Variants in MDGA2 observed in about 807,000 individuals in gnomAD.
The protein encoded by MDGA2 is MAM domain-containing glycosylphosphatidylinositol anchor protein 2.
In MDGA2, 40 loss-of-function variants were observed where a neutral mutation model predicts 117.8. The ratio of observed to expected loss-of-function variants is 0.34; its 90% CI spans 0.26 to 0.44. The LOEUF (loss-of-function observed/expected upper bound fraction) is 0.44, where lower values mean the gene tolerates loss of function less well. MDGA2 is among the 20% of genes least tolerant of loss of function. The probability of loss-of-function intolerance (pLI) is 1.00; values close to 1 mark genes in which losing one functional copy is unlikely to be tolerated. For missense variants in MDGA2, 1,123 were observed against 1,250.6 expected, an observed-to-expected ratio of 0.90 and a Z score of 1.54; for synonymous variants, 452 against 439.0, an observed-to-expected ratio of 1.03 and a Z score of -0.37.
At chr14:47,030,035 C>T (rs1482298546) in intron 8 of MDGA2, among the ~76,000 whole-genome samples, 7 of 151,762 alleles carry the variant, frequency 4.6e-5, no homozygotes, top group Non-Finnish European at 1.0e-4. Flanking sequence ...ACCATGTTGG[C>T]CAGAATGGTC....
chr14:47,186,435 A>C lies in MDGA2; in HGVS notation c.595+31586T>G, dbSNP rs546069296. On this transcript the variant is annotated intron_variant, in intron 3 of 16. Coordinates refer to ENST00000399232, the MANE Select transcript of MDGA2 (RefSeq NM_001113498.3). ...ATTTCTTATAAACCTATAGTACTAA[A>C]TTATTTTCAAATAATCACAAATGCA... Among the ~76,000 whole-genome samples the C allele has an allele frequency of 5.3e-5, 8 of 151,976 alleles. No individual in the cohort carries two copies. The East Asian group carries it at 1.5e-3, about 29-fold the overall frequency.
intron 2 of MDGA2, chr14:47,299,206 A>G (rs1199065550): frequency 6.6e-5 from 10 of 152,212 alleles, no homozygotes; most frequent in Admixed American, 3.3e-4. Flanking sequence ...CTAGAGGTCA[A>G]AGTTTGTACT....
At chr14:47,382,939 G>T (rs1182880403) in intron 1 of MDGA2, among the ~76,000 whole-genome samples, 1 of 152,098 alleles carries the variant, frequency 6.6e-6, no homozygotes, top group Non-Finnish European at 1.5e-5. Flanking sequence ...CAACAACAAA[G>T]ACTTGCAACC....
intron 2 of MDGA2, among the ~76,000 whole-genome samples, chr14:47,226,872 G>C (rs985772967): frequency 3.9e-5 from 6 of 152,090 alleles, no homozygotes; most frequent in Non-Finnish European, 7.4e-5. Flanking sequence ...GTCCTTCCAT[G>C]ACCGTGAGAC....
chr14:46,977,513 A>G (rs1021494950), intron 8 of MDGA2, among the ~76,000 whole-genome samples: 1 of 151,940 alleles, frequency 6.6e-6, no homozygotes, highest in Admixed American at 6.6e-5. Context: ...CCAAATATGA[A>G]ATGGTCATTT....
chr14:46,907,513 A>G (rs899302572), intron 10 of MDGA2, among the ~76,000 whole-genome samples: 1 of 152,172 alleles, frequency 6.6e-6, no homozygotes, highest in Non-Finnish European at 1.5e-5. Context: ...TTTGTCCAAG[A>G]GACTTTTGAT....
chr14:47,246,505 G>A (rs1887242403), intron 2 of MDGA2, among the ~76,000 whole-genome samples: 1 of 151,678 alleles, frequency 6.6e-6, no homozygotes, highest in African/African-American at 2.4e-5. Flanking sequence ...CATACCTACA[G>A]TGAATTGTTA....
Position 47,370,468 on chromosome 14 carries a change from G to GTTTTT in MDGA2, c.281-68923_281-68919dup, listed in dbSNP as rs67255552. ...TTACTATTTTCTAGGTCTACTTACTGTTTTTTTTTTTTTTTTTTTTTTTTT... is the reference window on the plus strand; with the variant it reads ...TTACTATTTTCTAGGTCTACTTACTGTTTTTTTTTTTTTTTTTTTTTTTTTTTTTT... On this transcript the variant is annotated intron_variant, in intron 1 of 16. Transcript: ENST00000399232. 4.8e-4 allele frequency among the ~76,000 whole-genome samples: 10 copies of GTTTTT among 20,684 alleles called. 4 individuals are homozygous for GTTTTT. The highest frequency in any genetic ancestry group is 1.0e-3 in the Non-Finnish European group (10 of 9,988). 13.6% of individuals were successfully genotyped at this position (20,684 alleles called of 152,430 possible).
chr14:47,143,311 C>A (rs1001595836), intron 4 of MDGA2, among the ~76,000 whole-genome samples: 1 of 152,104 alleles, frequency 6.6e-6, no homozygotes, highest in Non-Finnish European at 1.5e-5. Flanking sequence ...TTTTCATTAT[C>A]ACAATACTTT....
At chr14:47,462,367 C>A in intron 1 of MDGA2, among the ~76,000 whole-genome samples, 1 of 135,910 alleles carries the variant, frequency 7.4e-6, no homozygotes. Flanking sequence ...CAGAGAGAGA[C>A]TCCGTCCCAA....
chr14:47,139,885 T>C lies in MDGA2; in HGVS notation c.792+4193A>G, dbSNP rs4341670. On this transcript the variant is annotated intron_variant, in intron 4 of 16. Transcript: ENST00000399232. Reference sequence around the variant, plus strand: ...ATATATATATATACACACACACACATATATATATATATATATACACATATG... The same window carrying C: ...ATATATATATATACACACACACACACATATATATATATATATACACATATG... Among the ~76,000 whole-genome samples, 1,087 of 116,814 alleles carry C rather than the reference T, an allele frequency of 9.3e-3. 10 individuals carry two copies. Among genetic ancestry groups the C allele is most frequent in the African/African-American group, 0.018 (555 of 31,176 alleles). The allele number at this position is 116,814 out of a possible 152,430, so 76.6% of individuals were successfully genotyped here.
chr14:47,444,918 A>G (rs1893090209), intron 1 of MDGA2, among the ~76,000 whole-genome samples: 1 of 152,304 alleles, frequency 6.6e-6, no homozygotes, highest in South Asian at 2.1e-4. Flanking sequence ...TTGAATAGTG[A>G]CATAATACCT....
chr14:46,859,057 A>G (rs1007983644), intron 14 of MDGA2, among the ~76,000 whole-genome samples: 1 of 152,148 alleles, frequency 6.6e-6, no homozygotes, highest in East Asian at 1.9e-4. Flanking sequence ...CTCTAACTTT[A>G]TGGGACTCAA....
At chr14:47,347,116 G>A (rs1339505668) in intron 1 of MDGA2, among the ~76,000 whole-genome samples, 2 of 152,100 alleles carry the variant, frequency 1.3e-5, no homozygotes, top group Non-Finnish European at 2.9e-5. Flanking sequence ...CGTAAGTAGG[G>A]GACCAACTAA....
intron 8 of MDGA2, among the ~76,000 whole-genome samples, chr14:47,032,027 A>AT (rs1459332292): frequency 6.6e-6 from 1 of 152,104 alleles, no homozygotes; most frequent in African/African-American, 2.4e-5. Context: ...CCAGGCATGC[A>AT]TTTTTTTGTG....
chr14:46,860,015 G>A (rs777818091), intron 14 of MDGA2, among the ~76,000 whole-genome samples: 3 of 152,042 alleles, frequency 2.0e-5, no homozygotes, highest in Non-Finnish European at 4.4e-5. Flanking sequence ...ATATGATATA[G>A]AGTAGCTTAT....
intron 1 of MDGA2, among the ~76,000 whole-genome samples, chr14:47,549,758 G>A (rs1895544700): frequency 6.6e-6 from 1 of 152,038 alleles, no homozygotes; most frequent in South Asian, 2.1e-4. Flanking sequence ...GCACTCTTTT[G>A]CTCTCATACT....
chr14:47,109,871 G>A (rs952642503), intron 5 of MDGA2, among the ~76,000 whole-genome samples: 3 of 152,082 alleles, frequency 2.0e-5, no homozygotes, highest in East Asian at 1.9e-4. Flanking sequence ...GTTAGGATCC[G>A]GGAGATAGAG....
intron 7 of MDGA2, among the ~76,000 whole-genome samples, chr14:47,038,780 CA>C (rs35953830): frequency 1.3e-3 from 184 of 141,208 alleles, no homozygotes; most frequent in Admixed American, 1.4e-3. Flanking sequence ...ACTAAAAATA[CA>C]AAAAAAAAAA....
Sources: allele counts gnomAD v4.1 joint callset (sites outside exome capture counted in the v4.1 genomes callset), GRCh38; gene constraint gnomAD v4.1.1; transcripts MANE v1.5; gene names NCBI Gene and HGNC (gene_info 2026-07-23, HGNC 2026-07-21).